SPATC1: variants seen among roughly 807,000 people sequenced by gnomAD.
The protein encoded by SPATC1 is spermatogenesis and centriole associated 1, also known as speriolin.
SPATC1 carries 35 observed loss-of-function variants against 36.5 expected under a neutral mutation model. The ratio of observed to expected loss-of-function variants is 0.96; its 90% CI spans 0.73 to 1.27. SPATC1 has a LOEUF of 1.27. Ranked by LOEUF, SPATC1 falls within the 50% of genes most tolerant of loss-of-function variation. The probability of loss-of-function intolerance (pLI) is 0.00; values close to 1 mark genes in which losing one functional copy is unlikely to be tolerated. For synonymous variants in SPATC1, 361 were observed against 353.6 expected, an observed-to-expected ratio of 1.02 and a Z score of -0.24; for missense variants, 779 against 796.0, an observed-to-expected ratio of 0.98 and a Z score of 0.26.
chr8:144,031,719 C>CTTTTT (rs1834800283), intron 1 of SPATC1, among the ~76,000 whole-genome samples: 1 of 138,828 alleles, frequency 7.2e-6, no homozygotes. Flanking sequence ...TTTTTTCTTT[C>CTTTTT]TTTCTTTTTT....
Position 144,012,726 on chromosome 8 carries a change from G to C in SPATC1, c.211G>C (p.Gly71Arg). 1 of 1,551,668 alleles carries C rather than the reference G, an allele frequency of 6.4e-7. No individual in the cohort carries two copies. The highest frequency in any genetic ancestry group is 1.4e-5 in the African/African-American group (1 of 73,148). ...AGGCCTTTCCTCACGCCAGAACAATGGTAAGAGGCCTCGCTCCCAAGAGAG... is the reference window on the plus strand; with the variant it reads ...AGGCCTTTCCTCACGCCAGAACAATCGTAAGAGGCCTCGCTCCCAAGAGAG... Reference protein sequence around the residue: ...TAGLSSRQNNGVFLPPSPAVA... With the variant: ...TAGLSSRQNNRVFLPPSPAVA... Residue 71 changes from glycine (G) to arginine (R), a missense_variant and splice_region_variant, in exon 1 of 5, where the codon GGT becomes CGT. Gly to Arg is a moderately radical substitution (Grantham distance 125, BLOSUM62 -2). Coordinates refer to ENST00000377470, the MANE Select transcript of SPATC1 (RefSeq NM_198572.3).
In SPATC1 at chr8:144,042,311, A is replaced by ATTTTTTTTTT. The variant is rs1184651892; in HGVS notation, c.1446+956_1446+965dup. Among the ~76,000 whole-genome samples the ATTTTTTTTTT allele has an allele frequency of 3.3e-3, 80 of 23,882 alleles. 4 individuals are homozygous for ATTTTTTTTTT. The highest frequency in any genetic ancestry group is 4.9e-3 in the Admixed American group (7 of 1,426). The allele number at this position is 23,882 out of a possible 152,430, so 15.7% of individuals were successfully genotyped here. On this transcript the variant is annotated intron_variant, in intron 4 of 4. Transcript: ENST00000377470. ...TATATATATATATATATATATATAT[A>ATTTTTTTTTT]TTTTTTTTTTTTTTTTTTTTTTTTT...
intron 1 of SPATC1, among the ~76,000 whole-genome samples, chr8:144,018,842 G>A (rs1162932818): frequency 7.4e-6 from 1 of 135,142 alleles, no homozygotes; most frequent in Non-Finnish European, 1.5e-5. Context: ...GACCATCCTG[G>A]CCAACACGGT....
chr8:144,044,509 A>C (rs1171232418), intron 4 of SPATC1, among the ~76,000 whole-genome samples: 2 of 148,850 alleles, frequency 1.3e-5, no homozygotes, highest in Non-Finnish European at 3.0e-5. Flanking sequence ...GGGGTTTCAC[A>C]GTGTTCGCCA....
chr8:144,039,471 G>A (rs1463931532), intron 1 of SPATC1, among the ~76,000 whole-genome samples: 1 of 152,206 alleles, frequency 6.6e-6, no homozygotes, highest in African/African-American at 2.4e-5. Flanking sequence ...GGAGGCCTGG[G>A]CCCTCTTCTC....
Position 144,037,108 on chromosome 8 carries a change from C to T in SPATC1, c.212-2801C>T, listed in dbSNP as rs868942599. ...GGCGGCCGGCTGGGCGGGGGGCTGA[C>T]CCCCGCCCGGCAAGCCGCCCCGTCC... is the stretch of plus-strand genomic sequence containing the variant. On this transcript the variant is annotated intron_variant, in intron 1 of 4. Coordinates refer to ENST00000377470, the MANE Select transcript of SPATC1 (RefSeq NM_198572.3). Among the ~76,000 whole-genome samples, 110 of 124,866 alleles carry T rather than the reference C, an allele frequency of 8.8e-4. No homozygotes were observed. The South Asian group carries it at 0.017, about 19-fold the overall frequency. 81.9% of individuals were successfully genotyped at this position (124,866 alleles called of 152,430 possible).
intron 4 of SPATC1, among the ~76,000 whole-genome samples, chr8:144,043,276 T>G (rs1156966935): frequency 6.7e-6 from 1 of 149,996 alleles, no homozygotes; most frequent in African/African-American, 2.5e-5. Context: ...ATTACAGGCG[T>G]GAGCCACGGT....
chr8:144,038,506 C>A (rs1168542672), intron 1 of SPATC1, among the ~76,000 whole-genome samples: 2 of 151,378 alleles, frequency 1.3e-5, no homozygotes, highest in Non-Finnish European at 2.9e-5. Flanking sequence ...CTCTGTCACC[C>A]AGGCTGGAGT....
intron 4 of SPATC1, among the ~76,000 whole-genome samples, chr8:144,044,615 G>A (rs896780893): frequency 2.0e-5 from 3 of 151,086 alleles, no homozygotes; most frequent in African/African-American, 7.3e-5. Context: ...GCCCTTGAAG[G>A]AATATTTTTA....
chr8:144,047,025 AGACACTG>A lies in SPATC1; in HGVS notation c.*71_*77del, dbSNP rs1209142166. ...GTGCACGGCCATTAAAGCTTCCCACAGACACTGGTCGCTGGGCCTGTGCCAGCGCTCC... is the reference window on the plus strand; with the variant it reads ...GTGCACGGCCATTAAAGCTTCCCACAGTCGCTGGGCCTGTGCCAGCGCTCC... On this transcript the variant is annotated 3_prime_UTR_variant, in exon 5 of 5. Coordinates refer to ENST00000377470, the MANE Select transcript of SPATC1 (RefSeq NM_198572.3). The surrounding 1 kb of genome is among the most constrained non-coding windows in gnomAD (Gnocchi z 4.1). 1 of 1,519,078 alleles carries A rather than the reference AGACACTG, an allele frequency of 6.6e-7. No homozygotes were observed. The highest frequency in any genetic ancestry group is 8.8e-7 in the Non-Finnish European group (1 of 1,132,922). 94.1% of individuals were successfully genotyped at this position (1,519,078 alleles called of 1,614,324 possible).
intron 4 of SPATC1, chr8:144,041,950 TTG>T (rs1554756158): frequency 2.0e-6 from 2 of 985,244 alleles, no homozygotes; most frequent in Non-Finnish European, 2.4e-6. Context: ...TGGGTTAGTT[TTG>T]TGTGTGTGGG....
intron 1 of SPATC1, among the ~76,000 whole-genome samples, chr8:144,030,873 T>C (rs1276281958): frequency 3.9e-5 from 6 of 152,198 alleles, no homozygotes; most frequent in African/African-American, 1.4e-4. Context: ...TAATAGCAAC[T>C]TAGCTTTAAT....
intron 1 of SPATC1, among the ~76,000 whole-genome samples, chr8:144,025,584 C>A (rs996079016): frequency 6.6e-6 from 1 of 152,072 alleles, no homozygotes; most frequent in African/African-American, 2.4e-5. Context: ...GAATATCATG[C>A]GACGGGACTG....
intron 1 of SPATC1, among the ~76,000 whole-genome samples, chr8:144,017,939 T>C (rs1247682893): frequency 6.6e-6 from 1 of 152,200 alleles, no homozygotes; most frequent in Non-Finnish European, 1.5e-5. Flanking sequence ...AGTAGCACTA[T>C]GAGCCTGAAG....
At chr8:144,030,170 T>C (rs1221404286) in intron 1 of SPATC1, among the ~76,000 whole-genome samples, 2 of 152,228 alleles carry the variant, frequency 1.3e-5, no homozygotes, top group Non-Finnish European at 2.9e-5. Context: ...TCACTTTCAA[T>C]CTATGTGTGT....
At chr8:144,015,939 GTAGTCCCAGC>G (rs1298248973) in intron 1 of SPATC1, among the ~76,000 whole-genome samples, 1 of 151,452 alleles carries the variant, frequency 6.6e-6, no homozygotes, top group African/African-American at 2.4e-5. Context: ...GGGGGCGCCT[GTAGTCCCAGC>G]TACTTGGGAG....
At position 144,047,056 on chromosome 8, in the gene SPATC1, C is replaced by T. The variant is rs921678651; in HGVS notation, c.*100C>T. 8.8e-5 allele frequency: 125 copies of T among 1,414,564 alleles called. No individual in the cohort carries two copies. The Middle Eastern group carries it at 1.0e-3, about 11-fold the overall frequency. 87.6% of individuals were successfully genotyped at this position (1,414,564 alleles called of 1,614,324 possible). A position where few individuals can be genotyped will look rare whatever the true frequency, so the allele number is the denominator to read the frequency against. ...TGGTCGCTGGGCCTGTGCCAGCGCT[C>T]CTGGGTGGTGCTGCCTCCTCTGGGG... On this transcript the variant is annotated 3_prime_UTR_variant, in exon 5 of 5. Coordinates refer to ENST00000377470, the MANE Select transcript of SPATC1 (RefSeq NM_198572.3). This position sits in a 1 kb window ranked among gnomAD's most constrained non-coding sequence, Gnocchi z 4.1.
At chr8:144,024,502 C>T (rs1385581267) in intron 1 of SPATC1, among the ~76,000 whole-genome samples, 8 of 145,864 alleles carry the variant, frequency 5.5e-5, no homozygotes, top group Non-Finnish European at 1.1e-4. Context: ...CAGGACCCCC[C>T]TTGGGATCCT....
intron 1 of SPATC1, among the ~76,000 whole-genome samples, chr8:144,023,970 CTA>C (rs2133114094): frequency 1.4e-5 from 1 of 70,370 alleles, no homozygotes; most frequent in African/African-American, 5.2e-5. Context: ...TCAGGACCTT[CTA>C]CCTTAAGGAC....
Sources: gnomAD v4.1 joint callset for allele counts (sites outside exome capture counted in the v4.1 genomes callset) on GRCh38, gnomAD v4.1.1 for gene constraint, Gnocchi (gnomAD v3.1) non-coding constraint, MANE v1.5 for transcripts, NCBI Gene and HGNC (gene_info 2026-07-23, HGNC 2026-07-21) for gene names.